Variants in TMTC1 observed in about 807,000 individuals in gnomAD.
The protein encoded by TMTC1 is protein O-mannosyl-transferase TMTC1.
TMTC1 carries 73 observed loss-of-function variants against 104.8 expected under a neutral mutation model. The ratio of observed to expected loss-of-function variants is 0.70; its 90% CI spans 0.58 to 0.85. TMTC1 has a LOEUF of 0.85. Ranked by LOEUF, TMTC1 falls within the 40% of genes least tolerant of loss-of-function variation. The pLI, the probability that TMTC1 is intolerant of heterozygous loss-of-function variation, is 0.00. For missense variants in TMTC1, 1,035 were observed against 1,096.1 expected (o/e 0.94, Z 0.79); for synonymous variants, 434 against 428.7 (o/e 1.01, Z -0.15).
chr12:29,515,988 A>C (rs1943974531), intron 15 of TMTC1, among the ~76,000 whole-genome samples: 1 of 151,252 alleles, frequency 6.6e-6, no homozygotes, highest in Non-Finnish European at 1.5e-5. Flanking sequence ...TGTAATCCTC[A>C]TAACAACCCT....
At chr12:29,673,644 C>T (rs1440051540) in intron 5 of TMTC1, among the ~76,000 whole-genome samples, 3 of 149,452 alleles carry the variant, frequency 2.0e-5, no homozygotes, top group African/African-American at 7.4e-5. Flanking sequence ...TTTTACTTAT[C>T]GTTTCCAAAG....
chr12:29,626,020 T>C (rs1361893545), intron 6 of TMTC1, among the ~76,000 whole-genome samples: 5 of 152,334 alleles, frequency 3.3e-5, no homozygotes, highest in Middle Eastern at 6.8e-3. Context: ...ATATATGTCT[T>C]ACAAGAAAAG....
At chr12:29,606,825 C>T (rs1383850062) in intron 6 of TMTC1, among the ~76,000 whole-genome samples, 7 of 152,098 alleles carry the variant, frequency 4.6e-5, no homozygotes, top group Admixed American at 4.6e-4. Context: ...ACGTTCTTAC[C>T]CTTCCAACGC....
At chr12:29,748,665 G>T (rs766876236) in intron 5 of TMTC1, among the ~76,000 whole-genome samples, 2 of 152,176 alleles carry the variant, frequency 1.3e-5, no homozygotes, top group African/African-American at 2.4e-5. Context: ...TAACACATGG[G>T]ACATGCTAGC....
chr12:29,721,446 T>C (rs1409077501), intron 5 of TMTC1, among the ~76,000 whole-genome samples: 1 of 152,074 alleles, frequency 6.6e-6, no homozygotes. Context: ...TTACACACAA[T>C]AAACTCTAAT....
intron 5 of TMTC1, among the ~76,000 whole-genome samples, chr12:29,661,148 C>A (rs946359025): frequency 6.6e-6 from 1 of 152,158 alleles, no homozygotes; most frequent in Non-Finnish European, 1.5e-5. Flanking sequence ...ATCTACCTCA[C>A]AGGAAAGTTG....
intron 5 of TMTC1, among the ~76,000 whole-genome samples, chr12:29,719,170 G>A (rs1265817915): frequency 6.6e-6 from 1 of 152,096 alleles, no homozygotes; most frequent in Non-Finnish European, 1.5e-5. Context: ...ACAAAATACA[G>A]AAGTTCATAT....
At chr12:29,661,540 G>A (rs1940026195) in intron 5 of TMTC1, among the ~76,000 whole-genome samples, 1 of 107,546 alleles carries the variant, frequency 9.3e-6, no homozygotes, top group Admixed American at 9.2e-5. Context: ...TCATGCCTCA[G>A]CCTCCCGAGT....
chr12:29,516,483 G>A lies in TMTC1; in HGVS notation c.2173C>T (p.Gln725Ter). Reference protein sequence around the residue: ...SQRELRLALAQVLAVMGQTKE... With the variant: ...SQRELRLALA The stretch of plus-strand genomic sequence containing the variant: ...GTCTGACCCATCACGGCCAAAACCT[G>A]AGCCTACAAAACCACATGGACCTTG... The change falls in exon 15 of 18, where the codon CAG (glutamine) becomes TAG (stop). Residue 725 changes from glutamine (Q) to a stop codon, truncating the protein, a stop_gained. Coordinates refer to ENST00000539277, the MANE Select transcript of TMTC1 (RefSeq NM_001193451.2). LOFTEE classifies it high-confidence loss of function. The A allele has an allele frequency of 6.2e-7, 1 of 1,613,032 alleles. No homozygotes were observed. The highest frequency in any genetic ancestry group is 8.5e-7 in the Non-Finnish European group (1 of 1,179,410).
chr12:29,643,649 TATATTATATA>T (rs1224399382), intron 5 of TMTC1, among the ~76,000 whole-genome samples: 13 of 22,236 alleles, frequency 5.8e-4, no homozygotes, highest in African/African-American at 2.5e-3. Flanking sequence ...ATATATATGT[TATATTATATA>T]ATATATAATA....
intron 6 of TMTC1, among the ~76,000 whole-genome samples, chr12:29,619,514 A>G (rs893632641): frequency 1.1e-4 from 17 of 152,248 alleles, no homozygotes; most frequent in African/African-American, 4.1e-4. Context: ...AAAGGGTTGC[A>G]TTTCTAGTGT....
Position 29,751,853 on chromosome 12 carries a change from G to A in TMTC1, c.751C>T (p.Pro251Ser), listed in dbSNP as rs1943099057. 1 of 1,580,056 alleles carries A rather than the reference G, an allele frequency of 6.3e-7. No homozygotes were observed. The highest frequency in any genetic ancestry group is 8.6e-7 in the Non-Finnish European group (1 of 1,162,990). ...CTCCCGGGCTGCTGTGGGCTGCGTG[G>A]ACAGAGGGCCCCATTGCTCCTGTTG... ...QDKSSNGALCPRSPQQPGSPQ... is the reference protein window; with the variant it reads ...QDKSSNGALCSRSPQQPGSPQ... The change falls in exon 5 of 18, where the codon CCA becomes TCA. Residue 251 changes from proline (P) to serine (S), a missense_variant. By Grantham distance (74) the Pro-to-Ser change is moderately conservative. Transcript: ENST00000539277.
rs146047517 is a variant in TMTC1, at chr12:29,608,632, G to A, written c.1129-4333C>T. ...TGTAGGAAAAATGTGTGATAGATTCGCTATTATAGGTGTTAGGTTTGATTT... is the reference window on the plus strand; with the variant it reads ...TGTAGGAAAAATGTGTGATAGATTCACTATTATAGGTGTTAGGTTTGATTT... On this transcript the variant is annotated intron_variant, in intron 6 of 17. Transcript: ENST00000539277. 2.6e-3 allele frequency among the ~76,000 whole-genome samples: 400 copies of A among 152,224 alleles called. 1 individual carries two copies. Among genetic ancestry groups the A allele is most frequent in the African/African-American group, 8.1e-3 (336 of 41,526 alleles).
intron 4 of TMTC1, among the ~76,000 whole-genome samples, chr12:29,752,128 A>AACAGACAC (rs1943106587): frequency 6.7e-6 from 1 of 150,196 alleles, no homozygotes; most frequent in African/African-American, 2.4e-5. Flanking sequence ...GATGGCCACC[A>AACAGACAC]ACACACACAC....
intron 8 of TMTC1, among the ~76,000 whole-genome samples, chr12:29,580,935 A>G (rs1455385800): frequency 6.6e-6 from 1 of 152,234 alleles, no homozygotes; most frequent in African/African-American, 2.4e-5. Flanking sequence ...CTGCACAGTA[A>G]TAGTCTGAAA....
intron 5 of TMTC1, among the ~76,000 whole-genome samples, chr12:29,663,855 T>C (rs1035355383): frequency 1.3e-5 from 2 of 152,094 alleles, no homozygotes; most frequent in African/African-American, 4.8e-5. Context: ...CTTGCTATGA[T>C]GGCTATTTCA....
chr12:29,591,928 C>CAGAACAAAAG (rs1555173394), intron 7 of TMTC1, among the ~76,000 whole-genome samples: 2 of 152,042 alleles, frequency 1.3e-5, no homozygotes, highest in African/African-American at 4.8e-5. Context: ...CAAAACAAAA[C>CAGAACAAAAG]AAAACACTTC....
chr12:29,741,543 A>G (rs1302311850), intron 5 of TMTC1, among the ~76,000 whole-genome samples: 2 of 152,210 alleles, frequency 1.3e-5, no homozygotes, highest in Non-Finnish European at 2.9e-5. Context: ...CCCAAGGGAC[A>G]TCGCAAATCA....
intron 5 of TMTC1, chr12:29,661,348 C>T (rs1940013305): frequency 1.0e-6 from 1 of 980,458 alleles, no homozygotes; most frequent in Non-Finnish European, 1.2e-6. Context: ...CAATGTCTTC[C>T]ATCCACAAAA....
Sources: gnomAD v4.1 joint callset for allele counts (sites outside exome capture counted in the v4.1 genomes callset) on GRCh38, gnomAD v4.1.1 for gene constraint, MANE v1.5 for transcripts, NCBI Gene and HGNC (gene_info 2026-07-23, HGNC 2026-07-21) for gene names.